MCF2L: variants seen among roughly 807,000 people sequenced by gnomAD.
The protein encoded by MCF2L is guanine nucleotide exchange factor DBS.
In MCF2L, 97 loss-of-function variants were observed where a neutral mutation model predicts 153.4. The observed-to-expected ratio is 0.63, with a 90% CI of 0.54 to 0.75. MCF2L has a LOEUF of 0.75. Ranked by LOEUF, MCF2L falls within the 30% of genes least tolerant of loss-of-function variation. The pLI is 0.00. For missense variants in MCF2L, 1,347 were observed against 1,495.2 expected, an observed-to-expected ratio of 0.90 and a Z score of 1.64; for synonymous variants, 659 against 632.2, an observed-to-expected ratio of 1.04 and a Z score of -0.64.
intron 3 of MCF2L, among the ~76,000 whole-genome samples, chr13:113,034,508 G>A (rs912269997): frequency 3.9e-5 from 6 of 152,130 alleles, no homozygotes; most frequent in African/African-American, 1.2e-4. Flanking sequence ...TGCTGGCTCC[G>A]TCCTGGAGGA....
In MCF2L at chr13:113,078,689, G is replaced by C; in HGVS notation, c.1758G>C (p.Gln586His). The C allele has an allele frequency of 6.2e-7, 1 of 1,611,904 alleles. No individual in the cohort carries two copies. The highest frequency in any genetic ancestry group is 1.1e-5 in the South Asian group (1 of 90,904). The change falls in exon 15 of 30, where the codon CAG (glutamine) becomes CAC (histidine). Residue 586 changes from glutamine to histidine, a missense_variant. Around this residue, in one of 3 missense-constraint regions of MCF2L, gnomAD observed 820 missense variants for 921.2 expected, o/e 0.89. Coordinates refer to ENST00000535094, the MANE Select transcript of MCF2L (RefSeq NM_001112732.3). ...AGAGTGAGATGAGTGAGAGCCGGCA[G>C]GGCCGCGGCTCAGCGGGGGAGGAGG... Reference protein sequence around the residue: ...RAKSEMSESRQGRGSAGEEEE... With the variant: ...RAKSEMSESRHGRGSAGEEEE...
At chr13:113,003,562 G>A (rs1014965723) in intron 1 of MCF2L, among the ~76,000 whole-genome samples, 3 of 152,138 alleles carry the variant, frequency 2.0e-5, no homozygotes, top group Admixed American at 6.5e-5. Context: ...TTGCACCCCT[G>A]AAGCCCTGGC....
chr13:112,987,567 A>T (rs766283003), intron 1 of MCF2L, among the ~76,000 whole-genome samples: 4 of 152,206 alleles, frequency 2.6e-5, no homozygotes, highest in Non-Finnish European at 5.9e-5. Flanking sequence ...ACTAAGGAGG[A>T]GGCCGGGTGT....
intron 2 of MCF2L, among the ~76,000 whole-genome samples, chr13:112,903,764 A>T (rs991176613): frequency 2.6e-5 from 4 of 152,172 alleles, no homozygotes; most frequent in Non-Finnish European, 1.5e-5. Context: ...ACGGACTGAG[A>T]ACCAGGTGCT....
At chr13:113,056,527 CTG>C (rs1242780319) in intron 4 of MCF2L, among the ~76,000 whole-genome samples, 15 of 112,066 alleles carry the variant, frequency 1.3e-4, no homozygotes, top group Non-Finnish European at 2.3e-4. Context: ...TGAGTGGGTG[CTG>C]TGTGTTTGGG....
chr13:113,014,940 G>C (rs2084411565), intron 2 of MCF2L, 94 bp downstream of exon 2: 3 of 1,139,790 alleles, frequency 2.6e-6, no homozygotes, highest in Middle Eastern at 2.0e-4. Context: ...GGCTGGAGCT[G>C]GGAAGGGTCA....
intron 1 of MCF2L, among the ~76,000 whole-genome samples, chr13:113,010,805 C>T (rs753261364): frequency 6.6e-6 from 1 of 152,202 alleles, no homozygotes; most frequent in Non-Finnish European, 1.5e-5. Context: ...TTGGGTGGCA[C>T]ATACGGGTCA....
intron 2 of MCF2L, among the ~76,000 whole-genome samples, chr13:112,933,699 G>A (rs1040589373): frequency 6.6e-6 from 1 of 152,264 alleles, no homozygotes; most frequent in African/African-American, 2.4e-5. Flanking sequence ...CCTGTGAGGT[G>A]TGCCCGAGTC....
chr13:112,909,790 C>G (rs2081212067), intron 2 of MCF2L: 1 of 153,706 alleles, frequency 6.5e-6, no homozygotes, highest in South Asian at 2.0e-4. Context: ...CAGGCATGCA[C>G]TTTGACACCC....
rs1436894150 is a variant in MCF2L at position 113,075,210 on chromosome 13, C to T, written c.1308+21C>T. On this transcript the variant is annotated intron_variant, in intron 11 of 29. Coordinates refer to ENST00000535094, the MANE Select transcript of MCF2L (RefSeq NM_001112732.3). ...AGACGGTAGGCCGAGCCGGACCCCA[C>T]CCCACTCCCCCCCAGCTGCGGAACC... The T allele has an allele frequency of 1.3e-5, 21 of 1,560,828 alleles. No individual in the cohort carries two copies. In the East Asian group the frequency reaches 4.6e-4, roughly 34 times the overall value.
intron 2 of MCF2L, among the ~76,000 whole-genome samples, chr13:112,934,576 C>G (rs1262808425): frequency 1.3e-5 from 2 of 152,216 alleles, no homozygotes; most frequent in African/African-American, 4.8e-5. Context: ...GCTGCTGCTG[C>G]TGCTGGTCTG....
chr13:112,981,636 G>T (rs1043947288), intron 1 of MCF2L, among the ~76,000 whole-genome samples: 1 of 152,332 alleles, frequency 6.6e-6, no homozygotes, highest in Middle Eastern at 3.4e-3. Flanking sequence ...CCCTGGGCCT[G>T]CGAGCCTGAG....
intron 2 of MCF2L, among the ~76,000 whole-genome samples, chr13:112,959,895 G>A (rs923470694): frequency 1.3e-5 from 2 of 152,216 alleles, no homozygotes; most frequent in African/African-American, 4.8e-5. Flanking sequence ...GGTCGTGCCT[G>A]TCTCCATCAT....
At chr13:112,925,691 AC>A (rs1197435723) in intron 2 of MCF2L, among the ~76,000 whole-genome samples, 1 of 152,162 alleles carries the variant, frequency 6.6e-6, no homozygotes, top group Non-Finnish European at 1.5e-5. Context: ...CTCCTGGGGT[AC>A]TAGAAATGTT....
intron 3 of MCF2L, among the ~76,000 whole-genome samples, chr13:113,025,845 A>C (rs1312710602): frequency 3.9e-4 from 41 of 105,578 alleles, no homozygotes; most frequent in African/African-American, 8.2e-4. Flanking sequence ...GTGAGGTTTC[A>C]TCATGGTGGG....
intron 7 of MCF2L, 127 bp from the exon 8 acceptor site, chr13:113,065,919 G>T: frequency 3.1e-6 from 3 of 981,374 alleles, no homozygotes; most frequent in Non-Finnish European, 4.3e-6. Flanking sequence ...GGGAAGACTC[G>T]GGGGTCGGGG....
intron 1 of MCF2L, among the ~76,000 whole-genome samples, chr13:113,003,678 C>T (rs1315715847): frequency 1.3e-5 from 2 of 152,162 alleles, no homozygotes; most frequent in East Asian, 3.9e-4. Flanking sequence ...TGATCAGACC[C>T]GGGACCTGCT....
chr13:112,961,246 ACT>A (rs1286243378), intron 2 of MCF2L, among the ~76,000 whole-genome samples: 1 of 152,184 alleles, frequency 6.6e-6, no homozygotes, highest in Non-Finnish European at 1.5e-5. Flanking sequence ...TGATGAAGTG[ACT>A]CTGCTGTTAT....
chr13:112,979,604 G>A, intron 1 of MCF2L: 1 of 1,606,180 alleles, frequency 6.2e-7, no homozygotes, highest in Non-Finnish European at 8.5e-7. Flanking sequence ...GGTCGCCTGT[G>A]GTCCCTGCGT....
Sources: gnomAD v4.1 joint callset for allele counts (sites outside exome capture counted in the v4.1 genomes callset) on GRCh38, gnomAD v4.1.1 for gene constraint, gnomAD v4.1.1 regional missense constraint, MANE v1.5 for transcripts, NCBI Gene and HGNC (gene_info 2026-07-23, HGNC 2026-07-21) for gene names.